The following FBXO31 variants were observed in gnomAD, a reference collection of about 807,000 sequenced individuals.
FBXO31 encodes the protein F-box protein 31, also known as F-box only protein 31.
In FBXO31, 24 loss-of-function variants were observed where a neutral mutation model predicts 54.4. That is an observed-to-expected ratio of 0.44 (90% CI 0.32 to 0.62). The LOEUF (loss-of-function observed/expected upper bound fraction) is 0.62. Ranked by LOEUF, FBXO31 falls within the 20% of genes least tolerant of loss-of-function variation. The pLI, the probability that FBXO31 is intolerant of heterozygous loss-of-function variation, is 0.05. For synonymous variants in FBXO31, 388 were observed against 335.6 expected (o/e 1.16, Z -1.71); for missense variants, 665 against 787.1 (o/e 0.84, Z 1.86).
rs565630498 is a variant in FBXO31 at position 87,333,220 on chromosome 16, GCAAGCCTCGTCCCATGTCAGCCGCC to G, written c.1397+641_1397+665del. Among the ~76,000 whole-genome samples, 944 of 152,372 alleles carry G rather than the reference GCAAGCCTCGTCCCATGTCAGCCGCC, an allele frequency of 6.2e-3. 7 individuals are homozygous for G. The highest frequency in any genetic ancestry group is 0.021 in the African/African-American group (887 of 41,590). On this transcript the variant is annotated intron_variant, in intron 8 of 8. Coordinates refer to ENST00000311635, the MANE Select transcript of FBXO31 (RefSeq NM_024735.5). ...CAGCGAGACAGGAGCTGGCAGCTGT[GCAAGCCTCGTCCCATGTCAGCCGCC>G]CAAGCCCTGCAGTGGCAGCGGCAAT... is the stretch of plus-strand genomic sequence containing the variant.
chr16:87,352,440 A>G (rs115384467), intron 2 of FBXO31, among the ~76,000 whole-genome samples: 2,754 of 152,096 alleles, frequency 0.018, 68 homozygotes, highest in African/African-American at 0.062. Flanking sequence ...TATTAAAAAG[A>G]AAATAACATA....
chr16:87,373,257 T>C (rs1405382995), intron 1 of FBXO31, among the ~76,000 whole-genome samples: 9 of 151,724 alleles, frequency 5.9e-5, no homozygotes, highest in Admixed American at 2.6e-4. Flanking sequence ...CGAGACCATC[T>C]TGGCTAACAC....
upstream of FBXO31, among the ~76,000 whole-genome samples, chr16:87,386,796 T>C (rs114545213): frequency 0.018 from 2,806 of 152,304 alleles, 118 homozygotes; most frequent in African/African-American, 0.064. Context: ...TGCAGGGTCA[T>C]TACTGCAATG....
At chr16:87,387,687 G>T (rs1377236789), upstream of FBXO31, among the ~76,000 whole-genome samples, 3 of 152,186 alleles carry the variant, frequency 2.0e-5, no homozygotes, top group Non-Finnish European at 4.4e-5. Context: ...GGCGCCTATA[G>T]TCCCAGCTAC....
At position 87,360,376 on chromosome 16, in the gene FBXO31, G is replaced by C; in HGVS notation, c.341-10C>G. On this transcript the variant is annotated splice_polypyrimidine_tract_variant and intron_variant, in intron 1 of 8. Coordinates refer to ENST00000311635, the MANE Select transcript of FBXO31 (RefSeq NM_024735.5). ...TCGCAAACACCATACTCTGTAACAA[G>C]AAACATTTGCAGAAATTTAAGATCA... is the stretch of plus-strand genomic sequence containing the variant. The C allele has an allele frequency of 6.2e-7, 1 of 1,613,566 alleles. No individual in the cohort carries two copies.
intron 2 of FBXO31, among the ~76,000 whole-genome samples, chr16:87,356,717 T>C (rs1278959599): frequency 1.3e-5 from 2 of 152,228 alleles, no homozygotes; most frequent in African/African-American, 4.8e-5. Context: ...TTACTCTTTC[T>C]GCTTTCAGTT....
At chr16:87,386,144 GA>G (rs201016210), upstream of FBXO31, 1,737 of 97,362 alleles carry the variant, frequency 0.018, 9 homozygotes, top group Non-Finnish European at 0.026. Flanking sequence ...GGAGATCAGG[GA>G]CCTCAGGAGG....
intron 1 of FBXO31, among the ~76,000 whole-genome samples, chr16:87,377,029 G>C (rs1346765822): frequency 6.6e-6 from 1 of 152,208 alleles, no homozygotes; most frequent in Non-Finnish European, 1.5e-5. Context: ...AGATGAGGTG[G>C]AATTAAAGCT....
Position 87,336,341 on chromosome 16 carries a change from GAC to G in FBXO31, c.733-79_733-78del. On this transcript the variant is annotated intron_variant, in intron 5 of 8. Transcript: ENST00000311635. This position sits in a 1 kb window ranked among gnomAD's most constrained non-coding sequence, Gnocchi z 6.5. ...AGGCTGCCGGCTGTGCCGCTGAGAG[GAC>G]ACAGTGTGTCCTTCTTTGTCAGTGC... 7.6e-7 allele frequency: 1 copy of G among 1,309,310 alleles called. No homozygotes were observed. The highest frequency in any genetic ancestry group is 1.7e-5 in the Admixed American group (1 of 58,720). The allele number at this position is 1,309,310 out of a possible 1,614,324, so 81.1% of individuals were successfully genotyped here. A position where few individuals can be genotyped will look rare whatever the true frequency, so the allele number is the denominator to read the frequency against.
chr16:87,343,466 G>T, intron 4 of FBXO31, 132 bp downstream of exon 4: 1 of 1,130,894 alleles, frequency 8.8e-7, no homozygotes, highest in Non-Finnish European at 1.2e-6. Context: ...GCAGGGCAGG[G>T]CGGAGCCTCC....
intron 1 of FBXO31, among the ~76,000 whole-genome samples, chr16:87,363,063 G>GA (rs1488372671): frequency 1.3e-5 from 2 of 151,152 alleles, no homozygotes; most frequent in Admixed American, 6.6e-5. Flanking sequence ...TAATGACAGA[G>GA]AAAAAACCAA....
At position 87,374,295 on chromosome 16, in the gene FBXO31, T is replaced by C. The variant is rs564091273; in HGVS notation, c.340+9110A>G. On this transcript the variant is annotated intron_variant, in intron 1 of 8. Coordinates refer to ENST00000311635, the MANE Select transcript of FBXO31 (RefSeq NM_024735.5). ...TGTGGTAAGTTGAAAATGCACTGAC[T>C]ACTTGACTACCCCTAACCTACGGAA... Among the ~76,000 whole-genome samples the C allele has an allele frequency of 5.9e-4, 89 of 150,210 alleles. No homozygotes were observed. The South Asian group carries it at 0.018, about 30-fold the overall frequency.
At chr16:87,370,712 C>T (rs964791651) in intron 1 of FBXO31, among the ~76,000 whole-genome samples, 6 of 152,324 alleles carry the variant, frequency 3.9e-5, no homozygotes, top group Admixed American at 3.9e-4. Flanking sequence ...CTCCCTGGAG[C>T]AGAGTGAAGC....
rs1347440541 is a variant in FBXO31 at position 87,345,273 on chromosome 16, C to A, written c.490-1508G>T. Among the ~76,000 whole-genome samples, 2 of 144,170 alleles carry A rather than the reference C, an allele frequency of 1.4e-5. No individual in the cohort carries two copies. The highest frequency in any genetic ancestry group is 1.4e-4 in the Admixed American group (2 of 14,176). 94.6% of individuals were successfully genotyped at this position (144,170 alleles called of 152,430 possible). On this transcript the variant is annotated intron_variant, in intron 3 of 8. Coordinates refer to ENST00000311635, the MANE Select transcript of FBXO31 (RefSeq NM_024735.5). This position sits in a 1 kb window ranked among gnomAD's most constrained non-coding sequence, Gnocchi z 4.9. ...CTGCCTGCCCAGAGCTCAACAAAGT[C>A]AGGGCGGGGCTTTCCGGAAAGTTCA...
intron 5 of FBXO31, 89 bp downstream of exon 5, chr16:87,342,788 T>C (rs1244659855): frequency 6.1e-6 from 7 of 1,140,342 alleles, no homozygotes; most frequent in Middle Eastern, 2.9e-4. Context: ...CGCATGCTGC[T>C]GACTTCTCTC....
At chr16:87,348,205 A>G (rs972580244) in intron 2 of FBXO31, among the ~76,000 whole-genome samples, 2 of 151,892 alleles carry the variant, frequency 1.3e-5, no homozygotes, top group African/African-American at 4.8e-5. Context: ...TGTGGCTGCC[A>G]CCAACCTTCC....
At chr16:87,381,571 A>C (rs1481449242) in intron 1 of FBXO31, among the ~76,000 whole-genome samples, 1 of 152,250 alleles carries the variant, frequency 6.6e-6, no homozygotes, top group African/African-American at 2.4e-5. Context: ...TCGACCATTA[A>C]GCAACAAAAA....
intron 5 of FBXO31, among the ~76,000 whole-genome samples, chr16:87,341,220 C>G (rs1159197683): frequency 6.6e-6 from 1 of 152,174 alleles, no homozygotes; most frequent in African/African-American, 2.4e-5. Flanking sequence ...TCAGTGAGCC[C>G]ACACACAGAA....
intron 5 of FBXO31, among the ~76,000 whole-genome samples, chr16:87,341,089 C>T (rs545554691): frequency 1.3e-3 from 193 of 152,254 alleles, no homozygotes; most frequent in Non-Finnish European, 2.4e-3. Context: ...CATAAACTCC[C>T]CCCATCAAGA....
Sources: gnomAD v4.1 joint callset for allele counts (sites outside exome capture counted in the v4.1 genomes callset) on GRCh38, gnomAD v4.1.1 for gene constraint, Gnocchi (gnomAD v3.1) non-coding constraint, MANE v1.5 for transcripts, NCBI Gene and HGNC (gene_info 2026-07-23, HGNC 2026-07-21) for gene names.